PCDHA1: variants seen among roughly 807,000 people sequenced by gnomAD.
PCDHA1 encodes protocadherin alpha-1.
PCDHA1 carries 42 observed loss-of-function variants against 61.3 expected under a neutral mutation model. The observed-to-expected ratio is 0.69, with a 90% CI of 0.54 to 0.89. The LOEUF is 0.89. Ranked by LOEUF, PCDHA1 falls within the 40% of genes least tolerant of loss-of-function variation. PCDHA1 has a pLI of 0.00. For missense variants in PCDHA1, 1,256 were observed against 1,235.3 expected (o/e 1.02, Z -0.25); for synonymous variants, 610 against 553.8 (o/e 1.10, Z -1.43).
intron 1 of PCDHA1, chr5:140,857,387 G>A (rs369919324): frequency 2.5e-6 from 4 of 1,598,586 alleles, no homozygotes; most frequent in Admixed American, 1.7e-5. Flanking sequence ...GGTGGCCGAC[G>A]TGAACGACAA....
At chr5:140,836,193 A>T (rs1774273849) in intron 1 of PCDHA1, 10 of 1,613,716 alleles carry the variant, frequency 6.2e-6, no homozygotes, top group Non-Finnish European at 8.5e-6. Context: ...CTCAGGCTAC[A>T]ACGCGTGGCT....
At chr5:140,850,528 C>T (rs1228882569) in intron 1 of PCDHA1, 1 of 1,598,306 alleles carries the variant, frequency 6.3e-7, no homozygotes, top group African/African-American at 1.3e-5. Context: ...GCGCCAAAGT[C>T]ATCGTCGCGG....
At chr5:140,800,355 G>A (rs1056354869) in intron 1 of PCDHA1, among the ~76,000 whole-genome samples, 1 of 152,018 alleles carries the variant, frequency 6.6e-6, no homozygotes, top group African/African-American at 2.4e-5. Context: ...TCTTGAAAAA[G>A]GGGCATGGGA....
chr5:140,790,592 T>C (rs569616703), intron 1 of PCDHA1, among the ~76,000 whole-genome samples: 1 of 152,276 alleles, frequency 6.6e-6, no homozygotes, highest in African/African-American at 2.4e-5. Flanking sequence ...CAAGAAAATG[T>C]CCCAGTTCCT....
intron 1 of PCDHA1, chr5:140,928,054 A>T (rs2084892451): frequency 1.2e-6 from 2 of 1,613,994 alleles, no homozygotes; most frequent in Non-Finnish European, 1.7e-6. Flanking sequence ...TTTTCAGCTG[A>T]CGGCTTCCTT....
intron 1 of PCDHA1, chr5:140,863,201 C>T (rs782647654): frequency 2.2e-5 from 20 of 925,678 alleles, no homozygotes; most frequent in South Asian, 1.0e-4. Context: ...GCGTCGCTGG[C>T]GGAGAGCAGC....
Position 140,907,813 on chromosome 5 carries a change from G to A in PCDHA1, c.2395-71136G>A, listed in dbSNP as rs192249919. On this transcript the variant is annotated intron_variant, in intron 1 of 3. Coordinates refer to ENST00000504120, the MANE Select transcript of PCDHA1 (RefSeq NM_018900.4). ...AGAGGCTAAGTGGTGTCCACAGAACGAGTCATCCTATCCACTTGTTTATTA... is the reference window on the plus strand; with the variant it reads ...AGAGGCTAAGTGGTGTCCACAGAACAAGTCATCCTATCCACTTGTTTATTA... Among the ~76,000 whole-genome samples the A allele has an allele frequency of 2.7e-3, 406 of 152,332 alleles. 1 individual carries two copies. The highest frequency in any genetic ancestry group is 9.3e-3 in the African/African-American group (387 of 41,574).
rs2150379326 is a variant in PCDHA1, at chr5:140,845,496, G to C, written c.2394+56812G>C. ...GGGGTTGTGCTTTCACAGTGAGAAA[G>C]TCTAAACCTATTTCTTGTACATTAA... On this transcript the variant is annotated intron_variant, in intron 1 of 3. Transcript: ENST00000504120. Among the ~76,000 whole-genome samples, 24 of 149,650 alleles carry C rather than the reference G, an allele frequency of 1.6e-4. 3 individuals are homozygous for C. Among genetic ancestry groups the C allele is most frequent in the Non-Finnish European group, 3.4e-4 (23 of 66,862 alleles).
intron 1 of PCDHA1, chr5:140,834,789 A>T: frequency 6.2e-7 from 1 of 1,613,702 alleles, no homozygotes; most frequent in Non-Finnish European, 8.5e-7. Flanking sequence ...GTTCCCAGCG[A>T]CACAAAGGAA....
intron 1 of PCDHA1, chr5:140,802,862 G>A (rs1554122420): frequency 5.0e-6 from 8 of 1,613,726 alleles, no homozygotes; most frequent in South Asian, 3.3e-5. Flanking sequence ...AGGTGTTCGT[G>A]CTGGACGAGA....
chr5:140,788,966 A>G lies in PCDHA1; in HGVS notation c.2394+282A>G, dbSNP rs1761506031. 6.0e-6 allele frequency: 3 copies of G among 503,854 alleles called. No individual in the cohort carries two copies. In the South Asian group the frequency reaches 1.9e-4, roughly 32 times the overall value. 31.2% of individuals were successfully genotyped at this position (503,854 alleles called of 1,614,324 possible). A position where few individuals can be genotyped will look rare whatever the true frequency, so the allele number is the denominator to read the frequency against. On this transcript the variant is annotated intron_variant, in intron 1 of 3. Coordinates refer to ENST00000504120, the MANE Select transcript of PCDHA1 (RefSeq NM_018900.4). Reference sequence around the variant, plus strand: ...TAAAAGGTAATGTTGGTCATATTTAACACAATATCTCAATGTAGTAAAATA... The same window carrying G: ...TAAAAGGTAATGTTGGTCATATTTAGCACAATATCTCAATGTAGTAAAATA...
intron 1 of PCDHA1, chr5:140,805,165 G>A: frequency 3.3e-6 from 5 of 1,537,576 alleles, no homozygotes; most frequent in South Asian, 1.2e-5. Context: ...CTTCACAGAT[G>A]TACTGATGCT....
chr5:140,876,411 T>C (rs782457800), intron 1 of PCDHA1: 1 of 1,613,974 alleles, frequency 6.2e-7, no homozygotes, highest in South Asian at 1.1e-5. Flanking sequence ...TTGAAGAGAA[T>C]AATGCCTATG....
intron 1 of PCDHA1, chr5:140,875,896 G>C (rs1183868015): frequency 6.2e-7 from 1 of 1,614,078 alleles, no homozygotes; most frequent in African/African-American, 1.3e-5. Context: ...AAAGGTACCT[G>C]TTTCTGAATC....
intron 1 of PCDHA1, chr5:140,862,703 A>G (rs2047499886): frequency 3.6e-6 from 2 of 558,206 alleles, no homozygotes; most frequent in East Asian, 4.9e-5. Flanking sequence ...TTGATGGAAC[A>G]GCGGGTGGGC....
At position 140,835,886 on chromosome 5, in the gene PCDHA1, G is replaced by T. The variant is rs1183512745; in HGVS notation, c.2394+47202G>T. On this transcript the variant is annotated intron_variant, in intron 1 of 3. Coordinates refer to ENST00000504120, the MANE Select transcript of PCDHA1 (RefSeq NM_018900.4). Reference sequence around the variant, plus strand: ...CGCTGGTGGAGCTGCGGGTGGGCGAGCGCGCGCTGTCGAGCTACGTGTCAG... The same window carrying T: ...CGCTGGTGGAGCTGCGGGTGGGCGATCGCGCGCTGTCGAGCTACGTGTCAG... 1 of 1,611,834 alleles carries T rather than the reference G, an allele frequency of 6.2e-7. No homozygotes were observed. Among genetic ancestry groups the T allele is most frequent in the Admixed American group, 1.7e-5 (1 of 59,978 alleles).
intron 1 of PCDHA1, chr5:140,829,829 C>A: frequency 6.2e-7 from 1 of 1,613,904 alleles, no homozygotes; most frequent in Non-Finnish European, 8.5e-7. Flanking sequence ...AGTGAGCGAG[C>A]TGGTGCCGCG....
intron 1 of PCDHA1, among the ~76,000 whole-genome samples, chr5:140,840,919 A>C (rs2150310100): frequency 6.6e-5 from 10 of 152,182 alleles, no homozygotes; most frequent in African/African-American, 2.2e-4. Context: ...TAAATTTATT[A>C]TTAATTGATA....
intron 1 of PCDHA1, among the ~76,000 whole-genome samples, chr5:140,937,675 G>A (rs2091663642): frequency 6.6e-6 from 1 of 151,688 alleles, no homozygotes; most frequent in Admixed American, 6.6e-5. Flanking sequence ...CACTTTGGGA[G>A]GCTGAGGCAG....
Sources: gnomAD v4.1 joint callset for allele counts (sites outside exome capture counted in the v4.1 genomes callset) on GRCh38, gnomAD v4.1.1 for gene constraint, MANE v1.5 for transcripts, NCBI Gene and HGNC (gene_info 2026-07-23, HGNC 2026-07-21) for gene names.